Variants in CNTFR observed in about 807,000 individuals in gnomAD.
CNTFR encodes the protein ciliary neurotrophic factor receptor.
A neutral mutation model predicts 40.4 loss-of-function variants in CNTFR; 12 were observed. The ratio of observed to expected loss-of-function variants is 0.30; its 90% confidence interval spans 0.19 to 0.48. The LOEUF (loss-of-function observed/expected upper bound fraction) is 0.48, where lower values mean the gene tolerates loss of function less well. Among genes scored for constraint, CNTFR ranks in the 20% least tolerant of loss-of-function variants. CNTFR has a pLI of 0.99. For missense variants in CNTFR, 414 were observed against 506.8 expected, an observed-to-expected ratio of 0.82 and a Z score of 1.76; for synonymous variants, 202 against 209.6, an observed-to-expected ratio of 0.96 and a Z score of 0.31.
In CNTFR at chr9:34,557,582, A is replaced by C. The variant is rs1156737734; in HGVS notation, c.548T>G (p.Val183Gly). 3.7e-6 allele frequency: 6 copies of C among 1,614,152 alleles called. No homozygotes were observed. The highest frequency in any genetic ancestry group is 5.1e-6 in the Non-Finnish European group (6 of 1,180,030). Reference sequence around the variant, plus strand: ...GGCATTGTGGCCCAGGGCATTGCTGACACTTATGGAGACCTTGTACTTGAT... The same window carrying C: ...GGCATTGTGGCCCAGGGCATTGCTGCCACTTATGGAGACCTTGTACTTGAT... ...STIKYKVSISVSNALGHNATA... is the reference protein window; with the variant it reads ...STIKYKVSISGSNALGHNATA... Residue 183 changes from valine to glycine, a missense_variant, in exon 6 of 10, where the codon GTC (valine) becomes GGC (glycine). Transcript: ENST00000378980. This position sits in a 1 kb window ranked among gnomAD's most constrained non-coding sequence, Gnocchi z 4.2.
At chr9:34,558,992 C>G (rs1400881049) in intron 4 of CNTFR, among the ~76,000 whole-genome samples, 1 of 152,212 alleles carries the variant, frequency 6.6e-6, no homozygotes, top group Non-Finnish European at 1.5e-5. Context: ...GGACAGGCGG[C>G]TCAGGTTCCT....
Position 34,551,912 on chromosome 9 carries a change from C to T in CNTFR, c.*159G>A, listed in dbSNP as rs1011142846. On this transcript the variant is annotated 3_prime_UTR_variant, in exon 10 of 10. Coordinates refer to ENST00000378980, the MANE Select transcript of CNTFR (RefSeq NM_147164.3). ...AGCTTGGTGCGGCAGGGCTGGGGGGCGGCAGGCCCGGGCCCGCCGGGGTCT... is the reference window on the plus strand; with the variant it reads ...AGCTTGGTGCGGCAGGGCTGGGGGGTGGCAGGCCCGGGCCCGCCGGGGTCT... The T allele has an allele frequency of 2.5e-5, 18 of 707,994 alleles. No individual in the cohort carries two copies. Among genetic ancestry groups the T allele is most frequent in the Non-Finnish European group, 3.6e-5 (14 of 385,078 alleles). 43.9% of individuals were successfully genotyped at this position (707,994 alleles called of 1,614,324 possible).
At position 34,552,602 on chromosome 9, in the gene CNTFR, A is replaced by C; in HGVS notation, c.949+72T>G. Reference sequence around the variant, plus strand: ...GCAGAGGCTGGAGGCAGCAGGGTAGAACCAGGCCACAGGTTCTACCACAGG... The same window carrying C: ...GCAGAGGCTGGAGGCAGCAGGGTAGCACCAGGCCACAGGTTCTACCACAGG... On this transcript the variant is annotated intron_variant, in intron 8 of 9. Transcript: ENST00000378980. This position sits in a 1 kb window ranked among gnomAD's most constrained non-coding sequence, Gnocchi z 5.1. 6.7e-7 allele frequency: 1 copy of C among 1,501,984 alleles called. No homozygotes were observed. The highest frequency in any genetic ancestry group is 1.2e-5 in the South Asian group (1 of 81,202). The allele number at this position is 1,501,984 out of a possible 1,614,324, so 93.0% of individuals were successfully genotyped here.
intron 2 of CNTFR, among the ~76,000 whole-genome samples, chr9:34,575,671 C>A (rs183671525): frequency 2.8e-5 from 4 of 142,572 alleles, no homozygotes; most frequent in Admixed American, 6.9e-5. Context: ...ACACACACAC[C>A]CACCCACCCA....
intron 2 of CNTFR, among the ~76,000 whole-genome samples, chr9:34,574,976 C>T (rs549816314): frequency 5.4e-4 from 82 of 152,320 alleles, no homozygotes; most frequent in Admixed American, 4.6e-3. Flanking sequence ...CTTGGGGCCC[C>T]GCATGCTGCC....
At chr9:34,563,873 C>T (rs1826169893) in intron 4 of CNTFR, among the ~76,000 whole-genome samples, 1 of 152,254 alleles carries the variant, frequency 6.6e-6, no homozygotes, top group South Asian at 2.1e-4. Context: ...CTCCATCCAA[C>T]CTGCCTCCCT....
At chr9:34,586,196 C>T (rs193224328) in intron 1 of CNTFR, among the ~76,000 whole-genome samples, 115 of 152,322 alleles carry the variant, frequency 7.5e-4, no homozygotes, top group Admixed American at 2.2e-3. Context: ...GGGCTGGCTG[C>T]ATCCTAGGCC....
At chr9:34,563,358 G>A (rs1826149143) in intron 4 of CNTFR, among the ~76,000 whole-genome samples, 1 of 152,200 alleles carries the variant, frequency 6.6e-6, no homozygotes, top group Non-Finnish European at 1.5e-5. Context: ...AACCACTGAT[G>A]GGCAGGAGCT....
At chr9:34,554,759 C>T (rs1825767725) in intron 7 of CNTFR, among the ~76,000 whole-genome samples, 1 of 152,202 alleles carries the variant, frequency 6.6e-6, no homozygotes, top group African/African-American at 2.4e-5. Flanking sequence ...CTGCCCTTCT[C>T]GCCCCCTCCC....
intron 4 of CNTFR, among the ~76,000 whole-genome samples, chr9:34,562,088 G>C (rs1826099160): frequency 6.6e-6 from 1 of 152,190 alleles, no homozygotes; most frequent in South Asian, 2.1e-4. Context: ...ATCAAGAATG[G>C]GGGTCCAGGG....
At chr9:34,574,025 A>G (rs1457534715) in intron 2 of CNTFR, among the ~76,000 whole-genome samples, 1 of 151,436 alleles carries the variant, frequency 6.6e-6, no homozygotes, top group African/African-American at 2.4e-5. Context: ...GCTCCAGGAC[A>G]GGGAGGAGGG....
intron 3 of CNTFR, among the ~76,000 whole-genome samples, chr9:34,565,262 C>G (rs1826234964): frequency 6.6e-6 from 1 of 152,064 alleles, no homozygotes; most frequent in Non-Finnish European, 1.5e-5. Flanking sequence ...TCCATTATTA[C>G]CCAGGCAAGC....
At chr9:34,562,680 C>T (rs1217958461) in intron 4 of CNTFR, among the ~76,000 whole-genome samples, 2 of 152,100 alleles carry the variant, frequency 1.3e-5, no homozygotes, top group African/African-American at 4.8e-5. Context: ...GTGAACCATA[C>T]CCAAATAAAA....
At chr9:34,573,747 C>T (rs1349055978) in intron 2 of CNTFR, among the ~76,000 whole-genome samples, 7 of 152,244 alleles carry the variant, frequency 4.6e-5, no homozygotes. Flanking sequence ...CCTCTCCCCA[C>T]AGCAGCCTAG....
intron 3 of CNTFR, 86 bp downstream of exon 3, chr9:34,568,811 G>C: frequency 8.3e-7 from 1 of 1,211,232 alleles, no homozygotes; most frequent in Non-Finnish European, 1.2e-6. Flanking sequence ...GTGACTCTTG[G>C]GTAGTGTCAG....
At chr9:34,563,596 C>CT (rs1369586663) in intron 4 of CNTFR, among the ~76,000 whole-genome samples, 5 of 152,254 alleles carry the variant, frequency 3.3e-5, no homozygotes, top group Non-Finnish European at 7.3e-5. Flanking sequence ...ATCTTGGGAT[C>CT]TGATTCTAGG....
chr9:34,574,590 G>A (rs1446245150), intron 2 of CNTFR, among the ~76,000 whole-genome samples: 1 of 152,234 alleles, frequency 6.6e-6, no homozygotes, highest in African/African-American at 2.4e-5. Context: ...CCAGGAGGGA[G>A]GCAGGGGGAG....
At chr9:34,587,222 A>G (rs1458875031) in intron 1 of CNTFR, among the ~76,000 whole-genome samples, 1 of 152,100 alleles carries the variant, frequency 6.6e-6, no homozygotes, top group African/African-American at 2.4e-5. Flanking sequence ...TTAGAGTTCT[A>G]GTGTAAGTCT....
At chr9:34,583,638 G>T (rs13440002) in intron 1 of CNTFR, among the ~76,000 whole-genome samples, 71,097 of 150,312 alleles carry the variant, frequency 0.47, 16,815 homozygotes, top group South Asian at 0.51. Context: ...ACCCAAGCTC[G>T]CCAAGGCAGC....
Sources: gnomAD v4.1 joint callset for allele counts (sites outside exome capture counted in the v4.1 genomes callset) on GRCh38, gnomAD v4.1.1 for gene constraint, Gnocchi (gnomAD v3.1) non-coding constraint, MANE v1.5 for transcripts, NCBI Gene and HGNC (gene_info 2026-07-23, HGNC 2026-07-21) for gene names.